The following ARHGAP42 variants were observed in gnomAD, a reference collection of about 807,000 sequenced individuals.
ARHGAP42 encodes Rho GTPase activating protein 42, also known as rho GTPase-activating protein 42.
A neutral mutation model predicts 125.0 loss-of-function variants in ARHGAP42; 63 were observed. The observed-to-expected ratio is 0.50, with a 90% CI of 0.41 to 0.62. The LOEUF is 0.62. Ranked by LOEUF, ARHGAP42 falls within the 20% of genes least tolerant of loss-of-function variation. The probability of loss-of-function intolerance (pLI) is 0.00; values close to 1 mark genes in which losing one functional copy is unlikely to be tolerated. For missense variants in ARHGAP42, 766 were observed against 1,024.2 expected (o/e 0.75, Z 3.44); for synonymous variants, 339 against 351.0 (o/e 0.97, Z 0.38).
At chr11:100,859,845 C>A (rs1268141696) in intron 4 of ARHGAP42, 2 of 348,054 alleles carry the variant, frequency 5.7e-6, no homozygotes, top group Non-Finnish European at 5.1e-6. Flanking sequence ...TAAATGAGTT[C>A]TTCCTTTCCC....
chr11:100,837,666 C>CTTTTTTTTTTTTTTTTTTT lies in ARHGAP42; in HGVS notation c.313-21875_313-21857dup, dbSNP rs373059302. 1.5e-3 allele frequency among the ~76,000 whole-genome samples: 92 copies of CTTTTTTTTTTTTTTTTTTT among 60,966 alleles called. 6 individuals carry two copies. Among genetic ancestry groups the CTTTTTTTTTTTTTTTTTTT allele is most frequent in the African/African-American group, 2.3e-3 (32 of 14,168 alleles). 40.0% of individuals were successfully genotyped at this position (60,966 alleles called of 152,430 possible). ...CAGTTCCCAGAATCTAGGTGTCATC[C>CTTTTTTTTTTTTTTTTTTT]TTTTTTTTTTTTTTTTTTTTTTTTT... On this transcript the variant is annotated intron_variant, in intron 3 of 23. Coordinates refer to ENST00000298815, the MANE Select transcript of ARHGAP42 (RefSeq NM_152432.4).
At chr11:100,878,893 A>G (rs1865888031) in intron 4 of ARHGAP42, among the ~76,000 whole-genome samples, 5 of 152,032 alleles carry the variant, frequency 3.3e-5, no homozygotes, top group African/African-American at 9.6e-5. Flanking sequence ...ACATATATAT[A>G]TATGTATATA....
At chr11:100,980,980 C>CT (rs1165715418) in intron 22 of ARHGAP42, among the ~76,000 whole-genome samples, 1 of 152,190 alleles carries the variant, frequency 6.6e-6, no homozygotes, top group Non-Finnish European at 1.5e-5. Flanking sequence ...GAGTTACAGT[C>CT]TGTCAGTTCA....
intron 4 of ARHGAP42, among the ~76,000 whole-genome samples, chr11:100,901,741 TTG>T (rs1421382896): frequency 6.6e-6 from 1 of 152,214 alleles, no homozygotes. Context: ...GAGAATCTCC[TTG>T]TCTGCTGGTT....
At chr11:100,936,391 G>C (rs1867739094) in intron 8 of ARHGAP42, 59 bp downstream of exon 8, 1 of 1,544,436 alleles carries the variant, frequency 6.5e-7, no homozygotes, top group Non-Finnish European at 8.8e-7. Context: ...CATGAGATGT[G>C]ACTTGGTTAG....
intron 3 of ARHGAP42, among the ~76,000 whole-genome samples, chr11:100,827,903 C>A (rs1864561825): frequency 6.6e-6 from 1 of 152,152 alleles, no homozygotes; most frequent in African/African-American, 2.4e-5. Flanking sequence ...CTAGAATCTA[C>A]CCTTTACAAA....
At chr11:100,930,560 T>C (rs1867547017) in intron 6 of ARHGAP42, among the ~76,000 whole-genome samples, 1 of 152,198 alleles carries the variant, frequency 6.6e-6, no homozygotes, top group African/African-American at 2.4e-5. Context: ...TGTCTGCTAC[T>C]AAGTGAATCT....
intron 1 of ARHGAP42, among the ~76,000 whole-genome samples, chr11:100,692,854 G>GAAAC (rs1861214362): frequency 6.6e-6 from 1 of 152,172 alleles, no homozygotes. Context: ...ATAACAGGTG[G>GAAAC]AAACACCTTA....
intron 6 of ARHGAP42, among the ~76,000 whole-genome samples, chr11:100,927,476 G>A (rs1867459126): frequency 6.6e-6 from 1 of 152,126 alleles, no homozygotes; most frequent in Admixed American, 6.6e-5. Flanking sequence ...ATGGTCCTTG[G>A]ATAAATCTAA....
At chr11:100,826,758 C>T (rs1864523388) in intron 3 of ARHGAP42, among the ~76,000 whole-genome samples, 1 of 152,136 alleles carries the variant, frequency 6.6e-6, no homozygotes, top group Non-Finnish European at 1.5e-5. Flanking sequence ...CCTTCCTGCT[C>T]ATGTCACCCC....
intron 3 of ARHGAP42, among the ~76,000 whole-genome samples, chr11:100,812,561 A>G (rs1250692137): frequency 6.6e-6 from 1 of 152,220 alleles, no homozygotes; most frequent in African/African-American, 2.4e-5. Flanking sequence ...TTTTAATGTC[A>G]GGAAATCAAG....
chr11:100,713,372 A>T (rs1470485181), intron 1 of ARHGAP42, among the ~76,000 whole-genome samples: 1 of 152,200 alleles, frequency 6.6e-6, no homozygotes, highest in African/African-American at 2.4e-5. Flanking sequence ...AAACTGCTAC[A>T]GTCTTGTAAG....
At chr11:100,785,971 T>C (rs1269679075) in intron 2 of ARHGAP42, among the ~76,000 whole-genome samples, 2 of 152,188 alleles carry the variant, frequency 1.3e-5, no homozygotes, top group East Asian at 1.9e-4. Flanking sequence ...AGCTCTGGGA[T>C]TGTAGGGCAA....
intron 4 of ARHGAP42, among the ~76,000 whole-genome samples, chr11:100,892,518 T>C (rs662530): frequency 0.8 from 121,094 of 151,994 alleles, 48,717 homozygotes; most frequent in East Asian, 1. Context: ...GTGGGTTAGG[T>C]CTGTGTTTAG....
Position 100,784,664 on chromosome 11 carries a change from CA to C in ARHGAP42, c.251-10429del, listed in dbSNP as rs34518912. ...TTTGACATGTGTTAAACTTGAGATTCAAAAAAAAAAAATCCTTAGTATTAAA... is the reference window on the plus strand; with the variant it reads ...TTTGACATGTGTTAAACTTGAGATTCAAAAAAAAAAATCCTTAGTATTAAA... On this transcript the variant is annotated intron_variant, in intron 2 of 23. Coordinates refer to ENST00000298815, the MANE Select transcript of ARHGAP42 (RefSeq NM_152432.4). 6.3e-3 allele frequency among the ~76,000 whole-genome samples: 872 copies of C among 138,430 alleles called. 4 individuals carry two copies. Among genetic ancestry groups the C allele is most frequent in the African/African-American group, 0.018 (683 of 37,834 alleles). The allele number at this position is 138,430 out of a possible 152,430, so 90.8% of individuals were successfully genotyped here. A position where few individuals can be genotyped will look rare whatever the true frequency, so the allele number is the denominator to read the frequency against.
intron 1 of ARHGAP42, among the ~76,000 whole-genome samples, chr11:100,736,219 A>C (rs746344602): frequency 6.6e-5 from 10 of 152,194 alleles, no homozygotes; most frequent in Non-Finnish European, 1.0e-4. Flanking sequence ...CAAGGAATAG[A>C]GATAGAGAAT....
intron 3 of ARHGAP42, among the ~76,000 whole-genome samples, chr11:100,797,214 T>A (rs1863738849): frequency 6.6e-6 from 1 of 152,192 alleles, no homozygotes; most frequent in South Asian, 2.1e-4. Flanking sequence ...CAAGTGCTGA[T>A]ATAGAAGCTG....
At chr11:100,866,181 C>G (rs1210091835) in intron 4 of ARHGAP42, among the ~76,000 whole-genome samples, 3 of 152,174 alleles carry the variant, frequency 2.0e-5, no homozygotes, top group African/African-American at 7.2e-5. Context: ...AGCAACTCCT[C>G]ATCCTTTAAG....
intron 4 of ARHGAP42, among the ~76,000 whole-genome samples, chr11:100,908,532 GC>G (rs1479335660): frequency 2.6e-5 from 4 of 152,018 alleles, no homozygotes; most frequent in Non-Finnish European, 5.9e-5. Flanking sequence ...TAGGATAATG[GC>G]CCCCAGTTCC....
Sources: allele counts gnomAD v4.1 joint callset (sites outside exome capture counted in the v4.1 genomes callset), GRCh38; gene constraint gnomAD v4.1.1; transcripts MANE v1.5; gene names NCBI Gene and HGNC (gene_info 2026-07-23, HGNC 2026-07-21).